Variants in SYNDIG1 observed in about 807,000 individuals in gnomAD.
SYNDIG1 encodes the protein synapse differentiation-inducing gene protein 1.
In SYNDIG1, 9 loss-of-function variants were observed where a neutral mutation model predicts 19.4. The ratio of observed to expected loss-of-function variants is 0.46; its 90% CI spans 0.28 to 0.81. The LOEUF is 0.81. Ranked by LOEUF, SYNDIG1 falls within the 30% of genes least tolerant of loss-of-function variation. The probability of loss-of-function intolerance (pLI) is 0.12; values close to 1 mark genes in which losing one functional copy is unlikely to be tolerated. For missense variants in SYNDIG1, 311 were observed against 343.3 expected (o/e 0.91, Z 0.74); for synonymous variants, 141 against 145.9 (o/e 0.97, Z 0.24).
chr20:24,494,585 G>A (rs1451783384), intron 1 of SYNDIG1, among the ~76,000 whole-genome samples: 1 of 152,208 alleles, frequency 6.6e-6, no homozygotes, highest in Admixed American at 6.5e-5. Flanking sequence ...CCCGAGGGAT[G>A]AGGAGGAACA....
rs79666437 is a variant in SYNDIG1 at position 24,531,286 on chromosome 20, T to C, written c.-78-11734T>C. ...CAGGGATGGACATGGAATACTATGT[T>C]GTGAAGTTCCTTCCACTCTATACAG... On this transcript the variant is annotated intron_variant, in intron 1 of 3. Transcript: ENST00000376862. Among the ~76,000 whole-genome samples, 561 of 152,308 alleles carry C rather than the reference T, an allele frequency of 3.7e-3. 2 individuals carry two copies. Among genetic ancestry groups the C allele is most frequent in the African/African-American group, 0.013 (532 of 41,556 alleles).
intron 3 of SYNDIG1, among the ~76,000 whole-genome samples, chr20:24,603,478 C>T (rs909572517): frequency 2.0e-5 from 3 of 152,036 alleles, no homozygotes; most frequent in East Asian, 1.9e-4. Context: ...TGTTCCTGCA[C>T]GGTAAGTGGA....
In SYNDIG1 at chr20:24,543,558, A is replaced by G. The variant is rs1393754564; in HGVS notation, c.461A>G (p.Glu154Gly). 6.2e-7 allele frequency: 1 copy of G among 1,600,724 alleles called. No individual in the cohort carries two copies. The highest frequency in any genetic ancestry group is 8.5e-7 in the Non-Finnish European group (1 of 1,179,058). ...HTLSYDVEEEEEFQELESDYS... is the reference protein window; with the variant it reads ...HTLSYDVEEEGEFQELESDYS... ...CTGTCCTACGATGTGGAGGAGGAGG[A>G]GGAGTTCCAGGAGCTGGAGGTCACA... Residue 154 changes from glutamate to glycine, a missense_variant, in exon 2 of 4, where the codon GAG becomes GGG. By Grantham distance (98) the Glu-to-Gly change is moderately conservative (BLOSUM62 -2). Coordinates refer to ENST00000376862, the MANE Select transcript of SYNDIG1 (RefSeq NM_024893.3).
intron 3 of SYNDIG1, among the ~76,000 whole-genome samples, chr20:24,613,421 C>G (rs1287587558): frequency 6.6e-6 from 1 of 152,204 alleles, no homozygotes; most frequent in African/African-American, 2.4e-5. Flanking sequence ...AGTCTCCTTG[C>G]TGGCCTCACA....
chr20:24,543,411 G>T lies in SYNDIG1; in HGVS notation c.314G>T (p.Gly105Val). ...GGCGTGCTGCGCTCCTGGGGGGACGGTGTGGCCGCCGACTGCTGCGAGACC... is the reference window on the plus strand; with the variant it reads ...GGCGTGCTGCGCTCCTGGGGGGACGTTGTGGCCGCCGACTGCTGCGAGACC... The part of the protein sequence containing the change: ...SEGVLRSWGD[G>V]VAADCCETTF... Residue 105 changes from glycine to valine, a missense_variant, in exon 2 of 4, where the codon GGT becomes GTT. Transcript: ENST00000376862. 6.2e-7 allele frequency: 1 copy of T among 1,613,680 alleles called. No individual in the cohort carries two copies. The highest frequency in any genetic ancestry group is 1.1e-5 in the South Asian group (1 of 91,076).
At position 24,516,271 on chromosome 20, in the gene SYNDIG1, G is replaced by C. The variant is rs550634674; in HGVS notation, c.-78-26749G>C. Among the ~76,000 whole-genome samples the C allele has an allele frequency of 2.0e-5, 3 of 152,262 alleles. No individual in the cohort carries two copies. The South Asian group carries it at 6.2e-4, about 32-fold the overall frequency. ...CAATACCATTCAGGACATAGGCATGGGTAAGGACTTCATGTCTAAAACACC... is the reference window on the plus strand; with the variant it reads ...CAATACCATTCAGGACATAGGCATGCGTAAGGACTTCATGTCTAAAACACC... On this transcript the variant is annotated intron_variant, in intron 1 of 3. Transcript: ENST00000376862.
Position 24,607,755 on chromosome 20 carries a change from C to A in SYNDIG1, c.618+22762C>A, listed in dbSNP as rs6138336. Reference sequence around the variant, plus strand: ...TGGAGAACCTTCTATCAATTACTTTCTTCCGTTTTTGTAGACTTTTTAGGT... The same window carrying A: ...TGGAGAACCTTCTATCAATTACTTTATTCCGTTTTTGTAGACTTTTTAGGT... On this transcript the variant is annotated intron_variant, in intron 3 of 3. Transcript: ENST00000376862. 3.3e-3 allele frequency among the ~76,000 whole-genome samples: 509 copies of A among 152,360 alleles called. 3 individuals carry two copies. In the East Asian group the frequency reaches 0.048, roughly 14 times the overall value.
chr20:24,524,300 CCTT>C (rs1568609560), intron 1 of SYNDIG1, among the ~76,000 whole-genome samples: 2 of 152,210 alleles, frequency 1.3e-5, no homozygotes, highest in African/African-American at 4.8e-5. Flanking sequence ...TGTCCACACT[CCTT>C]CTTCTCGCCT....
chr20:24,588,930 G>T (rs982956641), intron 3 of SYNDIG1, among the ~76,000 whole-genome samples: 1 of 150,756 alleles, frequency 6.6e-6, no homozygotes, highest in Admixed American at 6.6e-5. Context: ...TGCCTTCTCT[G>T]GGGGAGGCAT....
At chr20:24,560,655 G>C (rs973840030) in intron 2 of SYNDIG1, among the ~76,000 whole-genome samples, 2 of 140,108 alleles carry the variant, frequency 1.4e-5, no homozygotes, top group African/African-American at 5.3e-5. Context: ...TCCAACAACT[G>C]TGCCCCTGCC....
chr20:24,545,597 G>C (rs889039097), intron 2 of SYNDIG1, among the ~76,000 whole-genome samples: 1 of 152,084 alleles, frequency 6.6e-6, no homozygotes. Flanking sequence ...GCCCTCCCCC[G>C]GCTGAGTCTT....
At chr20:24,516,328 A>G (rs923634774) in intron 1 of SYNDIG1, among the ~76,000 whole-genome samples, 1 of 152,238 alleles carries the variant, frequency 6.6e-6, no homozygotes, top group Non-Finnish European at 1.5e-5. Context: ...CAAAATTGAC[A>G]AATGGAATCT....
chr20:24,529,692 G>A (rs1043495889), intron 1 of SYNDIG1, among the ~76,000 whole-genome samples: 1 of 152,120 alleles, frequency 6.6e-6, no homozygotes, highest in African/African-American at 2.4e-5. Context: ...TATTTGTTCT[G>A]TGGCCTTGAT....
At chr20:24,508,839 A>G (rs1298361010) in intron 1 of SYNDIG1, among the ~76,000 whole-genome samples, 1 of 152,146 alleles carries the variant, frequency 6.6e-6, no homozygotes, top group Non-Finnish European at 1.5e-5. Context: ...AGAACTGAAG[A>G]AAAGGGGAAT....
intron 2 of SYNDIG1, among the ~76,000 whole-genome samples, chr20:24,555,981 G>A (rs2057806646): frequency 6.6e-6 from 1 of 152,136 alleles, no homozygotes; most frequent in African/African-American, 2.4e-5. Flanking sequence ...TTATGAATCT[G>A]GGTGCTCCTC....
intron 3 of SYNDIG1, among the ~76,000 whole-genome samples, chr20:24,599,978 A>T (rs1265851123): frequency 6.6e-6 from 1 of 152,226 alleles, no homozygotes; most frequent in Non-Finnish European, 1.5e-5. Flanking sequence ...GGACACCTTA[A>T]ATACCCTGAC....
chr20:24,584,566 T>A (rs1251528684), intron 2 of SYNDIG1, among the ~76,000 whole-genome samples: 2 of 152,184 alleles, frequency 1.3e-5, no homozygotes, highest in South Asian at 4.1e-4. Flanking sequence ...CCCAGCGATC[T>A]TAGAAATACT....
At chr20:24,619,171 T>G (rs1292987428) in intron 3 of SYNDIG1, among the ~76,000 whole-genome samples, 1 of 152,238 alleles carries the variant, frequency 6.6e-6, no homozygotes, top group Non-Finnish European at 1.5e-5. Flanking sequence ...AATGCCTATG[T>G]TAAGCCTGTG....
intron 3 of SYNDIG1, among the ~76,000 whole-genome samples, chr20:24,613,122 T>C (rs1289420502): frequency 6.6e-6 from 1 of 152,166 alleles, no homozygotes; most frequent in Non-Finnish European, 1.5e-5. Flanking sequence ...ACCTAGAAGA[T>C]ACCAGACCTC....
Sources: gnomAD v4.1 joint callset for allele counts (sites outside exome capture counted in the v4.1 genomes callset) on GRCh38, gnomAD v4.1.1 for gene constraint, MANE v1.5 for transcripts, NCBI Gene and HGNC (gene_info 2026-07-23, HGNC 2026-07-21) for gene names.